TDRP: variants seen among roughly 807,000 people sequenced by gnomAD.
The protein encoded by TDRP is testis development-related protein.
TDRP carries 12 observed loss-of-function variants against 10.5 expected under a neutral mutation model. The ratio of observed to expected loss-of-function variants is 1.15; its 90% CI spans 0.73 to 1.86. TDRP has a LOEUF of 1.86. TDRP is among the 40% of genes most tolerant of loss of function. The probability of loss-of-function intolerance (pLI) is 0.00; values close to 1 mark genes in which losing one functional copy is unlikely to be tolerated. For synonymous variants in TDRP, 139 were observed against 95.4 expected, an observed-to-expected ratio of 1.46 and a Z score of -2.67; for missense variants, 353 against 229.2, an observed-to-expected ratio of 1.54 and a Z score of -3.49.
chr8:541,250 T>C (rs1254684153), intron 1 of TDRP, among the ~76,000 whole-genome samples: 1 of 152,250 alleles, frequency 6.6e-6, no homozygotes, highest in African/African-American at 2.4e-5. Flanking sequence ...TATTTTTATA[T>C]AGCAATGTTT....
At chr8:498,124 C>A (rs940232454) in intron 1 of TDRP, among the ~76,000 whole-genome samples, 1 of 152,204 alleles carries the variant, frequency 6.6e-6, no homozygotes, top group Non-Finnish European at 1.5e-5. Context: ...CAAGTCCCCA[C>A]TGGAGTACTG....
intron 1 of TDRP, among the ~76,000 whole-genome samples, chr8:536,346 G>A (rs555366491): frequency 6.6e-5 from 10 of 152,282 alleles, no homozygotes; most frequent in African/African-American, 2.2e-4. Context: ...AAATCAGTTG[G>A]CATTCACTAA....
chr8:527,978 A>G (rs928042509), intron 1 of TDRP, among the ~76,000 whole-genome samples: 1 of 152,210 alleles, frequency 6.6e-6, no homozygotes, highest in African/African-American at 2.4e-5. Context: ...GGCAACACAC[A>G]GAATGGGAAA....
At chr8:526,582 G>C (rs1028943225) in intron 1 of TDRP, among the ~76,000 whole-genome samples, 1 of 152,100 alleles carries the variant, frequency 6.6e-6, no homozygotes, top group Non-Finnish European at 1.5e-5. Flanking sequence ...TATCTTTTTA[G>C]TATGTTGTAG....
chr8:531,482 G>C (rs1802196304), intron 1 of TDRP, among the ~76,000 whole-genome samples: 1 of 152,170 alleles, frequency 6.6e-6, no homozygotes, highest in Non-Finnish European at 1.5e-5. Flanking sequence ...ATTCTGGGAA[G>C]GGAATGTCAG....
At chr8:514,376 A>C (rs970768661) in intron 1 of TDRP, among the ~76,000 whole-genome samples, 1 of 152,210 alleles carries the variant, frequency 6.6e-6, no homozygotes, top group African/African-American at 2.4e-5. Flanking sequence ...TTTTCAACAA[A>C]TGGCTGTGTG....
At chr8:511,027 G>A (rs73672342) in intron 1 of TDRP, among the ~76,000 whole-genome samples, 1 of 152,072 alleles carries the variant, frequency 6.6e-6, no homozygotes, top group Non-Finnish European at 1.5e-5. Flanking sequence ...TGAAAATGTT[G>A]AATTTAAAAA....
intron 1 of TDRP, among the ~76,000 whole-genome samples, chr8:522,878 A>T (rs1258110869): frequency 6.6e-6 from 1 of 152,192 alleles, no homozygotes; most frequent in Non-Finnish European, 1.5e-5. Flanking sequence ...TCTTGCATGG[A>T]ATCTTTTTCC....
intron 1 of TDRP, among the ~76,000 whole-genome samples, chr8:541,927 T>A (rs1276397271): frequency 6.6e-6 from 1 of 152,178 alleles, no homozygotes; most frequent in East Asian, 1.9e-4. Flanking sequence ...GAAACTTAAA[T>A]TCACACAAAA....
chr8:494,035 G>T (rs1585131873), intron 2 of TDRP, among the ~76,000 whole-genome samples: 1 of 113,446 alleles, frequency 8.8e-6, no homozygotes. Context: ...TTGCTCTGTT[G>T]CCTCCGTCTC....
intron 1 of TDRP, among the ~76,000 whole-genome samples, chr8:508,689 C>T (rs140409003): frequency 2.0e-5 from 3 of 152,116 alleles, no homozygotes; most frequent in Admixed American, 6.5e-5. Context: ...ACAGCCAAAC[C>T]GTATCATTCC....
In TDRP at chr8:509,647, C is replaced by T. The variant is rs186226656; in HGVS notation, c.109-15050G>A. 1.6e-4 allele frequency among the ~76,000 whole-genome samples: 24 copies of T among 152,236 alleles called. No homozygotes were observed. The East Asian group carries it at 4.5e-3, about 28-fold the overall frequency. On this transcript the variant is annotated intron_variant, in intron 1 of 2. Coordinates refer to ENST00000324079, the MANE Select transcript of TDRP (RefSeq NM_001384899.1). ...CATTTTTTCCTCCGGGCCTCCAGGCCTGTGATGGGAGGGGCTGCCCCAAAG... is the reference window on the plus strand; with the variant it reads ...CATTTTTTCCTCCGGGCCTCCAGGCTTGTGATGGGAGGGGCTGCCCCAAAG...
At chr8:495,601 T>C (rs17665859) in intron 1 of TDRP, among the ~76,000 whole-genome samples, 9,290 of 152,268 alleles carry the variant, frequency 0.061, 369 homozygotes, top group Middle Eastern at 0.12. Context: ...GATTAACATT[T>C]CCCAGGGTTC....
At chr8:493,183 T>C (rs1251555297) in intron 2 of TDRP, among the ~76,000 whole-genome samples, 1 of 152,188 alleles carries the variant, frequency 6.6e-6, no homozygotes, top group African/African-American at 2.4e-5. Flanking sequence ...GTAGGTAATT[T>C]ACTCAACAAA....
intron 1 of TDRP, among the ~76,000 whole-genome samples, chr8:498,558 G>C (rs961371756): frequency 6.6e-6 from 1 of 152,134 alleles, no homozygotes; most frequent in Admixed American, 6.5e-5. Flanking sequence ...TCTTAGATGA[G>C]ACTACTTACC....
At chr8:509,244 T>A (rs1473432526) in intron 1 of TDRP, among the ~76,000 whole-genome samples, 1 of 152,222 alleles carries the variant, frequency 6.6e-6, no homozygotes, top group Admixed American at 6.5e-5. Context: ...GTGGCCCTTT[T>A]TTCACAGTTA....
At chr8:500,384 C>A (rs1027183550) in intron 1 of TDRP, among the ~76,000 whole-genome samples, 1 of 152,200 alleles carries the variant, frequency 6.6e-6, no homozygotes, top group Non-Finnish European at 1.5e-5. Context: ...ACCTCATCGG[C>A]AGGCCCCACC....
chr8:515,681 TACTG>T (rs1801739627), intron 1 of TDRP, among the ~76,000 whole-genome samples: 1 of 152,200 alleles, frequency 6.6e-6, no homozygotes, highest in African/African-American at 2.4e-5. Context: ...CATTACTACT[TACTG>T]ACAATTAATT....
chr8:512,210 G>A (rs1021844865), intron 1 of TDRP, among the ~76,000 whole-genome samples: 1 of 151,910 alleles, frequency 6.6e-6, no homozygotes, highest in Non-Finnish European at 1.5e-5. Context: ...TGGATCACGA[G>A]GTGGAGACTG....
Sources: allele counts gnomAD v4.1 joint callset (sites outside exome capture counted in the v4.1 genomes callset), GRCh38; gene constraint gnomAD v4.1.1; transcripts MANE v1.5; gene names NCBI Gene and HGNC (gene_info 2026-07-23, HGNC 2026-07-21).